The following AHDC1 variants were observed in gnomAD, a reference collection of about 807,000 sequenced individuals.
AHDC1 encodes AT-hook DNA binding motif containing 1.
In AHDC1, 7 loss-of-function variants were observed where a neutral mutation model predicts 87.9. The observed-to-expected ratio is 0.08, with a 90% CI of 0.05 to 0.15. The LOEUF (loss-of-function observed/expected upper bound fraction) is 0.15. Among genes scored for constraint, AHDC1 ranks in the 10% least tolerant of loss-of-function variants. AHDC1 has a pLI of 1.00. For synonymous variants in AHDC1, 1,051 were observed against 1,006.8 expected (o/e 1.04, Z -0.83); for missense variants, 1,841 against 2,253.2 (o/e 0.82, Z 3.70).
At chr1:27,578,929 C>T (rs377387918) in intron 3 of AHDC1, among the ~76,000 whole-genome samples, 1 of 151,978 alleles carries the variant, frequency 6.6e-6, no homozygotes, top group African/African-American at 2.4e-5. Flanking sequence ...AACTCCTGAC[C>T]TTGTGATTCA....
rs1178600426 is a variant in AHDC1 at position 27,590,194 on chromosome 1, G to T, written c.-629+13203C>A. 6.6e-6 allele frequency among the ~76,000 whole-genome samples: 1 copy of T among 152,198 alleles called. No individual in the cohort carries two copies. Among genetic ancestry groups the T allele is most frequent in the Non-Finnish European group, 1.5e-5 (1 of 68,022 alleles). On this transcript the variant is annotated intron_variant, in intron 3 of 8. Transcript: ENST00000673934. This position sits in a 1 kb window ranked among gnomAD's most constrained non-coding sequence, Gnocchi z 5.4. Reference sequence around the variant, plus strand: ...CAGCAACAAGATTCCTGGTGAGCAGGCTGCGGGGTTTGGCAGCGCGCCTGC... The same window carrying T: ...CAGCAACAAGATTCCTGGTGAGCAGTCTGCGGGGTTTGGCAGCGCGCCTGC...
At chr1:27,592,356 C>G (rs937809940) in intron 3 of AHDC1, among the ~76,000 whole-genome samples, 1 of 152,148 alleles carries the variant, frequency 6.6e-6, no homozygotes, top group Non-Finnish European at 1.5e-5. Context: ...GTCACCCACC[C>G]AGCCCATCAC....
chr1:27,553,664 C>G (rs139109060), intron 5 of AHDC1: 1 of 152,140 alleles, frequency 6.6e-6, no homozygotes, highest in African/African-American at 2.4e-5. Context: ...GAAACTACCC[C>G]CTGGAAGATG....
chr1:27,603,202 T>C (rs1458132604), intron 3 of AHDC1, among the ~76,000 whole-genome samples, 195 bp downstream of exon 3: 4 of 121,202 alleles, frequency 3.3e-5, no homozygotes, highest in Non-Finnish European at 3.3e-5. Flanking sequence ...CGGCGCTGCC[T>C]GCCAGGCTTC....
At chr1:27,571,437 G>T (rs1364887483) in intron 3 of AHDC1, among the ~76,000 whole-genome samples, 1 of 152,132 alleles carries the variant, frequency 6.6e-6, no homozygotes, top group Non-Finnish European at 1.5e-5. Flanking sequence ...AGCAGGAGGA[G>T]GAAGAAGCCA....
At chr1:27,571,649 C>T (rs1024807140) in intron 3 of AHDC1, among the ~76,000 whole-genome samples, 6 of 152,068 alleles carry the variant, frequency 3.9e-5, no homozygotes, top group Admixed American at 3.9e-4. Flanking sequence ...CAAGTTGGCT[C>T]CCACTGGACC....
rs1283205130 is a variant in AHDC1 at position 27,551,275 on chromosome 1, G to A, written c.841C>T (p.Arg281Cys). 5.0e-6 allele frequency: 8 copies of A among 1,610,452 alleles called. No homozygotes were observed. Among genetic ancestry groups the A allele is most frequent in the East Asian group, 2.2e-5 (1 of 44,866 alleles). Reference sequence around the variant, plus strand: ...TCTAGTGCCTGCGGGTCCAGGAAGCGGGGCTGGGGGTCCAGGAGCTGAGGC... The same window carrying A: ...TCTAGTGCCTGCGGGTCCAGGAAGCAGGGCTGGGGGTCCAGGAGCTGAGGC... Reference protein sequence around the residue: ...PEPQLLDPQPRFLDPQALEPL... With the variant: ...PEPQLLDPQPCFLDPQALEPL... Residue 281 changes from arginine to cysteine, a missense_variant, in exon 8 of 9, where the codon CGC (arginine) becomes TGC (cysteine). By Grantham distance (180) the Arg-to-Cys change is radical. Transcript: ENST00000673934.
rs755211892 is a variant in AHDC1 at position 27,548,866 on chromosome 1, C to T, written c.3250G>A (p.Ala1084Thr). 29 of 1,612,188 alleles carry T rather than the reference C, an allele frequency of 1.8e-5. No homozygotes were observed. The Admixed American group carries it at 3.5e-4, about 19-fold the overall frequency. Residue 1084 changes from alanine to threonine, a missense_variant, in exon 8 of 9, where the codon GCC becomes ACC. Transcript: ENST00000673934. ...AAGGAGGAGGAGGAGGAGGAGGCGG[C>T]AGAGGCTGCAGAGGTGGCAGAGGCT... ...TTASATSAAS[A>T]ASSSSSSFQP...
At chr1:27,599,041 A>G (rs2089454911) in intron 3 of AHDC1, among the ~76,000 whole-genome samples, 1 of 152,198 alleles carries the variant, frequency 6.6e-6, no homozygotes, top group Non-Finnish European at 1.5e-5. Flanking sequence ...GGGAGGACAC[A>G]GTCATCCCTC....
chr1:27,602,185 A>G (rs553615276), intron 3 of AHDC1, among the ~76,000 whole-genome samples: 2 of 152,026 alleles, frequency 1.3e-5, no homozygotes, highest in East Asian at 3.9e-4. Context: ...AGGGCCCCCA[A>G]GCTGGGAGGG....
intron 3 of AHDC1, among the ~76,000 whole-genome samples, chr1:27,574,781 C>A (rs556410497): frequency 3.3e-5 from 5 of 152,272 alleles, no homozygotes; most frequent in African/African-American, 1.2e-4. Context: ...CCCTGCCCAA[C>A]AAAGGGCAGG....
At chr1:27,572,362 A>G (rs966930926) in intron 3 of AHDC1, among the ~76,000 whole-genome samples, 2 of 152,042 alleles carry the variant, frequency 1.3e-5, no homozygotes, top group African/African-American at 2.4e-5. Context: ...CTCTGTACAA[A>G]GATAGAAGGG....
At chr1:27,578,214 T>A (rs893896667) in intron 3 of AHDC1, among the ~76,000 whole-genome samples, 2 of 152,228 alleles carry the variant, frequency 1.3e-5, no homozygotes, top group African/African-American at 2.4e-5. Context: ...ATGTATTTTT[T>A]AAATATAAAA....
chr1:27,585,918 G>A (rs1432373118), intron 3 of AHDC1, among the ~76,000 whole-genome samples: 1 of 152,212 alleles, frequency 6.6e-6, no homozygotes, highest in Non-Finnish European at 1.5e-5. Context: ...TATACAAGGG[G>A]TTAATCCCCC....
chr1:27,558,916 G>A lies in AHDC1; in HGVS notation c.-628-33C>T. The stretch of plus-strand genomic sequence containing the variant: ...AGCAAACACAGCACCACAGAGATAA[G>A]CATGGACACAGGGTAAGCCAGCCAG... On this transcript the variant is annotated intron_variant, in intron 3 of 8. Coordinates refer to ENST00000673934, the MANE Select transcript of AHDC1 (RefSeq NM_001371928.1). This position sits in a 1 kb window ranked among gnomAD's most constrained non-coding sequence, Gnocchi z 5.6. The A allele has an allele frequency of 2.5e-6, 1 of 398,738 alleles. No individual in the cohort carries two copies. The allele number at this position is 398,738 out of a possible 1,614,324, so 24.7% of individuals were successfully genotyped here.
chr1:27,569,885 C>G (rs1321071923), intron 3 of AHDC1, among the ~76,000 whole-genome samples: 1 of 152,110 alleles, frequency 6.6e-6, no homozygotes, highest in Non-Finnish European at 1.5e-5. Flanking sequence ...CTGGGGATGT[C>G]AAAGCACCTT....
In AHDC1 at chr1:27,562,766, A is replaced by G. The variant is rs772074124; in HGVS notation, c.-628-3883T>C. On this transcript the variant is annotated intron_variant, in intron 3 of 8. Coordinates refer to ENST00000673934, the MANE Select transcript of AHDC1 (RefSeq NM_001371928.1). The surrounding 1 kb of genome is among the most constrained non-coding windows in gnomAD (Gnocchi z 4.4). ...TGCCAGCCCCGTATCACCAGAAAAC[A>G]TGTCGTCTCTTTAGAGTGAGACACG... Among the ~76,000 whole-genome samples the G allele has an allele frequency of 1.9e-4, 29 of 152,138 alleles. No individual in the cohort carries two copies. The highest frequency in any genetic ancestry group is 3.7e-4 in the Non-Finnish European group (25 of 68,022).
In AHDC1 at chr1:27,590,646, C is replaced by T. The variant is rs947816019; in HGVS notation, c.-629+12751G>A. Among the ~76,000 whole-genome samples the T allele has an allele frequency of 2.0e-5, 3 of 152,160 alleles. No individual in the cohort carries two copies. Among genetic ancestry groups the T allele is most frequent in the Non-Finnish European group, 4.4e-5 (3 of 68,026 alleles). ...TTAAATCCCTCTTGGTCTTAGCTCT[C>T]CTTCCTGGCTGGGCTGAGAGGCATC... is the stretch of plus-strand genomic sequence containing the variant. On this transcript the variant is annotated intron_variant, in intron 3 of 8. Transcript: ENST00000673934. The surrounding 1 kb of genome is among the most constrained non-coding windows in gnomAD (Gnocchi z 5.4).
chr1:27,597,376 TGA>T (rs150236055), intron 3 of AHDC1, among the ~76,000 whole-genome samples: 46 of 149,290 alleles, frequency 3.1e-4, no homozygotes, highest in South Asian at 1.3e-3. Context: ...AGTGTGTGTG[TGA>T]GAGAGAGAGA....
Sources: gnomAD v4.1 joint callset for allele counts (sites outside exome capture counted in the v4.1 genomes callset) on GRCh38, gnomAD v4.1.1 for gene constraint, Gnocchi (gnomAD v3.1) non-coding constraint, MANE v1.5 for transcripts, NCBI Gene and HGNC (gene_info 2026-07-23, HGNC 2026-07-21) for gene names.